The following ZNF385D variants were observed in gnomAD, a reference collection of about 807,000 sequenced individuals.
ZNF385D encodes zinc finger protein 659.
A neutral mutation model predicts 35.8 loss-of-function variants in ZNF385D; 15 were observed. That is an observed-to-expected ratio of 0.42 (90% CI 0.28 to 0.64). ZNF385D has a LOEUF of 0.64. Among genes scored for constraint, ZNF385D ranks in the 30% least tolerant of loss-of-function variants. The probability of loss-of-function intolerance (pLI) is 0.23; values close to 1 mark genes in which losing one functional copy is unlikely to be tolerated. For missense variants in ZNF385D, 474 were observed against 494.6 expected (o/e 0.96, Z 0.39); for synonymous variants, 212 against 186.8 (o/e 1.13, Z -1.10).
chr3:22,285,294 T>C (rs1031444179), intron 2 of ZNF385D, among the ~76,000 whole-genome samples: 5 of 152,182 alleles, frequency 3.3e-5, no homozygotes, highest in African/African-American at 1.2e-4. Context: ...TTTCTGTCTT[T>C]AACTTCATGT....
At chr3:21,804,625 T>C (rs2072553312) in intron 3 of ZNF385D, among the ~76,000 whole-genome samples, 1 of 152,212 alleles carries the variant, frequency 6.6e-6, no homozygotes, top group Non-Finnish European at 1.5e-5. Flanking sequence ...TCCTTCCTTC[T>C]ACTTAAGAGC....
At chr3:21,699,906 A>C (rs528797133) in intron 1 of ZNF385D, among the ~76,000 whole-genome samples, 3 of 138,004 alleles carry the variant, frequency 2.2e-5, no homozygotes, top group Non-Finnish European at 4.5e-5. Flanking sequence ...ATCTTGGCTC[A>C]CTACAAAACC....
intron 2 of ZNF385D, among the ~76,000 whole-genome samples, chr3:22,330,752 T>C (rs1220896982): frequency 1.3e-5 from 2 of 152,208 alleles, no homozygotes; most frequent in Non-Finnish European, 2.9e-5. Context: ...CTTTGAATAT[T>C]TGTTGAATGA....
At chr3:21,856,121 AT>A (rs11321714) in intron 3 of ZNF385D, among the ~76,000 whole-genome samples, 5,851 of 152,054 alleles carry the variant, frequency 0.038, 391 homozygotes, top group African/African-American at 0.13. Context: ...GAGAGGAGAA[AT>A]TTTTTTCTTG....
chr3:21,861,935 A>C (rs1697075938), intron 3 of ZNF385D, among the ~76,000 whole-genome samples: 1 of 152,146 alleles, frequency 6.6e-6, no homozygotes, highest in African/African-American at 2.4e-5. Context: ...AGCTACTCAC[A>C]CTTCAGGAAA....
At chr3:21,966,604 C>T (rs560275938) in intron 3 of ZNF385D, among the ~76,000 whole-genome samples, 17 of 152,212 alleles carry the variant, frequency 1.1e-4, no homozygotes, top group Non-Finnish European at 2.2e-4. Context: ...TTGTTTGAGA[C>T]GCAGTCACAC....
chr3:21,925,573 C>G (rs937221464), intron 3 of ZNF385D, among the ~76,000 whole-genome samples: 12 of 151,984 alleles, frequency 7.9e-5, no homozygotes, highest in African/African-American at 2.9e-4. Flanking sequence ...AGTCAGAGTT[C>G]TTGAGACTTG....
intron 3 of ZNF385D, among the ~76,000 whole-genome samples, chr3:21,835,445 G>C (rs565503682): frequency 3.2e-4 from 49 of 151,618 alleles, no homozygotes; most frequent in African/African-American, 1.2e-3. Flanking sequence ...AATGTTCCCT[G>C]CTGAAATACT....
At chr3:21,811,403 T>C (rs372645680) in intron 3 of ZNF385D, among the ~76,000 whole-genome samples, 11 of 152,254 alleles carry the variant, frequency 7.2e-5, no homozygotes, top group South Asian at 2.1e-4. Flanking sequence ...AAGACTATTA[T>C]AGTCAGGTCA....
intron 2 of ZNF385D, among the ~76,000 whole-genome samples, chr3:21,660,455 C>A (rs1439321277): frequency 6.6e-6 from 1 of 152,084 alleles, no homozygotes; most frequent in South Asian, 2.1e-4. Context: ...GGAAATAGAG[C>A]CATGGGGACG....
chr3:22,361,158 T>A lies in ZNF385D; in HGVS notation c.106+11292A>T, dbSNP rs559752613. Among the ~76,000 whole-genome samples the A allele has an allele frequency of 5.5e-4, 84 of 152,144 alleles. 1 individual carries two copies. The highest frequency in any genetic ancestry group is 1.9e-3 in the African/African-American group (80 of 41,548). On this transcript the variant is annotated intron_variant, in intron 2 of 5. Transcript: ENST00000494108. The stretch of plus-strand genomic sequence containing the variant: ...AAGGGATGATGTAAAAACAAATTCA[T>A]TGAATAACACAGAATTTCCAAACTC...
chr3:21,724,389 T>C (rs1040517173), intron 1 of ZNF385D, among the ~76,000 whole-genome samples: 23 of 149,354 alleles, frequency 1.5e-4, no homozygotes, highest in African/African-American at 5.5e-4. Flanking sequence ...ATCAATGTGC[T>C]GTATTCAGGA....
At position 22,064,462 on chromosome 3, in the gene ZNF385D, G is replaced by A. The variant is rs559189989; in HGVS notation, c.325+104355C>T. 1.5e-3 allele frequency among the ~76,000 whole-genome samples: 228 copies of A among 151,742 alleles called. 1 individual carries two copies. Among genetic ancestry groups the A allele is most frequent in the African/African-American group, 5.1e-3 (208 of 41,078 alleles). ...TATATACCCCAAAAAATTAAAATTA[G>A]TAGGCCAAAGTGATATCTGTATTCC... On this transcript the variant is annotated intron_variant, in intron 3 of 5. Coordinates refer to the ZNF385D transcript ENST00000494108.
chr3:21,914,466 A>T (rs1385267831), intron 3 of ZNF385D, among the ~76,000 whole-genome samples: 1 of 149,012 alleles, frequency 6.7e-6, no homozygotes, highest in Non-Finnish European at 1.5e-5. Context: ...TTCTCATTTG[A>T]TTGTGTTCCT....
At chr3:21,973,370 C>T (rs1423436282) in intron 3 of ZNF385D, among the ~76,000 whole-genome samples, 2 of 151,826 alleles carry the variant, frequency 1.3e-5, no homozygotes, top group Non-Finnish European at 2.9e-5. Flanking sequence ...TTTAACATTC[C>T]TTCATAATAA....
intron 3 of ZNF385D, among the ~76,000 whole-genome samples, chr3:21,959,696 G>T (rs1576012243): frequency 6.6e-6 from 1 of 152,088 alleles, no homozygotes; most frequent in African/African-American, 2.4e-5. Context: ...AGGAACCTTG[G>T]GCCTGTGAGG....
intron 3 of ZNF385D, among the ~76,000 whole-genome samples, chr3:21,784,631 T>G (rs1322471179): frequency 2.0e-5 from 3 of 150,214 alleles, no homozygotes; most frequent in Non-Finnish European, 4.4e-5. Context: ...AGATAAATAG[T>G]ACTTTAATTA....
chr3:21,841,611 G>A (rs1269206300), intron 3 of ZNF385D, among the ~76,000 whole-genome samples: 2 of 151,998 alleles, frequency 1.3e-5, no homozygotes, highest in African/African-American at 4.8e-5. Context: ...GCCTGTTTAT[G>A]TCCATTCAAT....
At chr3:21,434,740 C>T (rs1334110742) in intron 5 of ZNF385D, among the ~76,000 whole-genome samples, 1 of 152,072 alleles carries the variant, frequency 6.6e-6, no homozygotes, top group Non-Finnish European at 1.5e-5. Flanking sequence ...AAGGAGAGCT[C>T]TAAAATGAGC....
Sources: allele counts gnomAD v4.1 joint callset (sites outside exome capture counted in the v4.1 genomes callset), GRCh38; gene constraint gnomAD v4.1.1; transcripts MANE v1.5; gene names NCBI Gene and HGNC (gene_info 2026-07-23, HGNC 2026-07-21).